Variants in LGI3 observed in about 807,000 individuals in gnomAD.
LGI3 encodes leucine rich repeat LGI family member 3, also known as leucine-rich repeat LGI family member 3.
LGI3 carries 47 observed loss-of-function variants against 55.4 expected under a neutral mutation model. The observed-to-expected ratio is 0.85, with a 90% CI of 0.67 to 1.08. The LOEUF is 1.08. Among genes scored for constraint, LGI3 ranks in the 50% least tolerant of loss-of-function variants. The probability of loss-of-function intolerance (pLI) is 0.00; values close to 1 mark genes in which losing one functional copy is unlikely to be tolerated. For missense variants in LGI3, 664 were observed against 726.3 expected (o/e 0.91, Z 0.99); for synonymous variants, 326 against 315.0 (o/e 1.04, Z -0.37).
At chr8:22,154,304 G>T in intron 3 of LGI3, 91 bp from the exon 4 acceptor site, 1 of 1,094,046 alleles carries the variant, frequency 9.1e-7, no homozygotes, top group Non-Finnish European at 1.4e-6. Context: ...ATTTCAGCCC[G>T]TGTCCCCGAG....
chr8:22,153,843 C>G, intron 5 of LGI3, 125 bp downstream of exon 5: 1 of 929,584 alleles, frequency 1.1e-6, no homozygotes. Flanking sequence ...TCCTCAGGGT[C>G]CCCCCACCCA....
Position 22,148,150 on chromosome 8 carries a change from T to C in LGI3, c.*10A>G. ...GGCCACCCTGAGGAGACCAGAGGCC[T>C]CGGCACCCCCTAGGCACTGAGATCC... On this transcript the variant is annotated 3_prime_UTR_variant, in exon 8 of 8. Transcript: ENST00000306317. The surrounding 1 kb of genome is among the most constrained non-coding windows in gnomAD (Gnocchi z 7.0). 6.4e-7 allele frequency: 1 copy of C among 1,572,588 alleles called. No individual in the cohort carries two copies. The highest frequency in any genetic ancestry group is 8.6e-7 in the Non-Finnish European group (1 of 1,160,754).
At chr8:22,150,306 G>T (rs1827360573) in intron 7 of LGI3, among the ~76,000 whole-genome samples, 1 of 151,476 alleles carries the variant, frequency 6.6e-6, no homozygotes, top group East Asian at 1.9e-4. Flanking sequence ...TGGAGACAGG[G>T]CAATGTAAGT....
In LGI3 at chr8:22,156,205, C is replaced by T. The variant is rs1462166115; in HGVS notation, c.206+132G>A. On this transcript the variant is annotated intron_variant, in intron 1 of 7. Transcript: ENST00000306317. ...CCGACTGGTGCCTGGAATCTCCAGC[C>T]CTGAGGACCCCTGCAGTCCCCCTGG... 4.7e-5 allele frequency: 45 copies of T among 962,970 alleles called. No individual in the cohort carries two copies. In the East Asian group the frequency reaches 1.2e-3, roughly 25 times the overall value. 59.7% of individuals were successfully genotyped at this position (962,970 alleles called of 1,614,324 possible). A position where few individuals can be genotyped will look rare whatever the true frequency, so the allele number is the denominator to read the frequency against.
intron 7 of LGI3, among the ~76,000 whole-genome samples, 170 bp downstream of exon 7, chr8:22,151,319 A>T (rs1390561160): frequency 6.6e-6 from 1 of 152,048 alleles, no homozygotes; most frequent in African/African-American, 2.4e-5. Context: ...TATCATATGG[A>T]TGTTATCGGT....
intron 7 of LGI3, among the ~76,000 whole-genome samples, chr8:22,151,137 T>C (rs1458480436): frequency 6.6e-6 from 1 of 152,156 alleles, no homozygotes; most frequent in East Asian, 1.9e-4. Flanking sequence ...GTCCATCTAA[T>C]TACGTAAGCC....
chr8:22,152,413 G>A lies in LGI3; in HGVS notation c.495-413C>T, dbSNP rs546242146. Among the ~76,000 whole-genome samples the A allele has an allele frequency of 5.5e-4, 84 of 152,244 alleles. 1 individual carries two copies. In the South Asian group the frequency reaches 0.015, roughly 27 times the overall value. On this transcript the variant is annotated intron_variant, in intron 5 of 7. Transcript: ENST00000306317. ...GAAACTTTCAAAATCCCCTCCCGCT[G>A]ATTGGACTTTAATGTAGAGTCCAAT...
rs746186250 is a variant in LGI3, at chr8:22,149,012, G to T, written c.830-35C>A. The T allele has an allele frequency of 2.3e-5, 35 of 1,514,286 alleles. 1 individual carries two copies. The highest frequency in any genetic ancestry group is 3.8e-5 in the South Asian group (3 of 79,422). 93.8% of individuals were successfully genotyped at this position (1,514,286 alleles called of 1,614,324 possible). A position where few individuals can be genotyped will look rare whatever the true frequency, so the allele number is the denominator to read the frequency against. On this transcript the variant is annotated intron_variant, in intron 7 of 7. Transcript: ENST00000306317. Reference sequence around the variant, plus strand: ...GACAGAGGCAGACAGCATCAGGCAGGCCGGCGGCTCCCACTCCATCCAACC... The same window carrying T: ...GACAGAGGCAGACAGCATCAGGCAGTCCGGCGGCTCCCACTCCATCCAACC...
chr8:22,147,933 G>A lies in LGI3; in HGVS notation c.*227C>T. 1 of 533,434 alleles carries A rather than the reference G, an allele frequency of 1.9e-6. No homozygotes were observed. Among genetic ancestry groups the A allele is most frequent in the Non-Finnish European group, 3.3e-6 (1 of 302,296 alleles). The allele number at this position is 533,434 out of a possible 1,614,324, so 33.0% of individuals were successfully genotyped here. A position where few individuals can be genotyped will look rare whatever the true frequency, so the allele number is the denominator to read the frequency against. The stretch of plus-strand genomic sequence containing the variant: ...CCTGCAGTTGGGGTCACGGGAACTG[G>A]GCGTTAGGTGTCCCAGGGGTGCCTG... On this transcript the variant is annotated 3_prime_UTR_variant, in exon 8 of 8. Coordinates refer to ENST00000306317, the MANE Select transcript of LGI3 (RefSeq NM_139278.4).
chr8:22,152,049 A>G (rs1443199300), intron 5 of LGI3, 49 bp from the exon 6 acceptor site: 2 of 1,486,110 alleles, frequency 1.3e-6, no homozygotes, highest in South Asian at 2.6e-5. Flanking sequence ...ACATGCTCTC[A>G]GGGCTCTGCC....
intron 2 of LGI3, chr8:22,155,151 C>T (rs1827470230): frequency 1.8e-6 from 1 of 552,322 alleles, no homozygotes; most frequent in African/African-American, 1.9e-5. Flanking sequence ...CCAAGCCCAT[C>T]CCCGCATCCC....
chr8:22,150,038 T>C (rs2131792710), intron 7 of LGI3, among the ~76,000 whole-genome samples: 1 of 152,280 alleles, frequency 6.6e-6, no homozygotes, highest in African/African-American at 2.4e-5. Context: ...GTGGCTCCAC[T>C]AGTCTCCCAA....
intron 5 of LGI3, among the ~76,000 whole-genome samples, 193 bp from the exon 6 acceptor site, chr8:22,152,193 A>C (rs1053115628): frequency 6.6e-6 from 1 of 152,228 alleles, no homozygotes; most frequent in Non-Finnish European, 1.5e-5. Context: ...CTTGGCCAGC[A>C]GAGTATGGAA....
At chr8:22,154,317 A>G (rs967446898) in intron 3 of LGI3, 104 bp from the exon 4 acceptor site, 5 of 1,010,870 alleles carry the variant, frequency 4.9e-6, no homozygotes, top group Admixed American at 3.6e-5. Flanking sequence ...TCCCCGAGAC[A>G]GGTTTCCAAA....
In LGI3 at chr8:22,154,043, C is replaced by A; in HGVS notation, c.423-4G>T. On this transcript the variant is annotated splice_polypyrimidine_tract_variant and splice_region_variant and intron_variant, in intron 4 of 7. Transcript: ENST00000306317. Reference sequence around the variant, plus strand: ...CAGGTTATTGTTGGCCAGCGAGCTGCAAAAGAGACCGCCAGGTCATCTGAA... The same window carrying A: ...CAGGTTATTGTTGGCCAGCGAGCTGAAAAAGAGACCGCCAGGTCATCTGAA... The A allele has an allele frequency of 6.2e-7, 1 of 1,614,162 alleles. No individual in the cohort carries two copies. The highest frequency in any genetic ancestry group is 8.5e-7 in the Non-Finnish European group (1 of 1,180,022).
rs1586405372 is a variant in LGI3 at position 22,148,241 on chromosome 8, C to A, written c.1566G>T (p.Gly522=). 1.9e-6 allele frequency: 3 copies of A among 1,614,044 alleles called. No individual in the cohort carries two copies. The highest frequency in any genetic ancestry group is 2.5e-6 in the Non-Finnish European group (3 of 1,180,000). The change falls in exon 8 of 8, where the codon GGG becomes GGT. Residue 522 remains glycine, a synonymous_variant. Transcript: ENST00000306317. The surrounding 1 kb of genome is among the most constrained non-coding windows in gnomAD (Gnocchi z 7.0). Reference sequence around the variant, plus strand: ...TGGGGGCCAGGAGTAGCTGGGCGTCCCCAGCAGGCATGTAGCAGAAGGCCC... The same window carrying A: ...TGGGGGCCAGGAGTAGCTGGGCGTCACCAGCAGGCATGTAGCAGAAGGCCC... ...APRAFCYMPA[G]DAQLLLAPSF...
In LGI3 at chr8:22,155,450, C is replaced by T. The variant is rs199694884; in HGVS notation, c.220G>A (p.Ala74Thr). 1.9e-6 allele frequency: 3 copies of T among 1,613,802 alleles called. No individual in the cohort carries two copies. In the East Asian group the frequency reaches 6.7e-5, roughly 36 times the overall value. The change falls in exon 2 of 8, where the codon GCC (alanine) becomes ACC (threonine). Residue 74 changes from alanine to threonine, a missense_variant. Physicochemically the swap from Ala to Thr is moderately conservative, Grantham distance 58. Coordinates refer to ENST00000306317, the MANE Select transcript of LGI3 (RefSeq NM_139278.4). ...CCATCCTGGATCTCTGAGAAGGCGGCATTCACCAGGGTCCTGCGGGGACAC... is the reference window on the plus strand; with the variant it reads ...CCATCCTGGATCTCTGAGAAGGCGGTATTCACCAGGGTCCTGCGGGGACAC... ...SEVISLTLVN[A>T]AFSEIQDGAF...
At chr8:22,149,780 A>G (rs12679786) in intron 7 of LGI3, among the ~76,000 whole-genome samples, 35,456 of 151,574 alleles carry the variant, frequency 0.23, 5,344 homozygotes, top group African/African-American at 0.43. Context: ...CCTTTCCCCC[A>G]AGAGAAATTT....
In LGI3 at chr8:22,148,590, C is replaced by A. The variant is rs568594233; in HGVS notation, c.1217G>T (p.Arg406Leu). 6.2e-7 allele frequency: 1 copy of A among 1,613,840 alleles called. No individual in the cohort carries two copies. The highest frequency in any genetic ancestry group is 2.2e-5 in the East Asian group (1 of 44,884). ...SQAPVIYQWS[R>L]TQKQFVAQGE... is the part of the protein sequence containing the mutation. ...CTGGGCCACAAACTGCTTCTGGGTGCGACTCCACTGATAGATGACGGGTGC... is the reference window on the plus strand; with the variant it reads ...CTGGGCCACAAACTGCTTCTGGGTGAGACTCCACTGATAGATGACGGGTGC... The change falls in exon 8 of 8, where the codon CGC (arginine) becomes CTC (leucine). Residue 406 changes from arginine to leucine, a missense_variant. Coordinates refer to ENST00000306317, the MANE Select transcript of LGI3 (RefSeq NM_139278.4). The surrounding 1 kb of genome is among the most constrained non-coding windows in gnomAD (Gnocchi z 7.0).
Sources: allele counts gnomAD v4.1 joint callset (sites outside exome capture counted in the v4.1 genomes callset), GRCh38; gene constraint gnomAD v4.1.1; non-coding constraint Gnocchi (gnomAD v3.1); transcripts MANE v1.5; gene names NCBI Gene and HGNC (gene_info 2026-07-23, HGNC 2026-07-21).